Variants in ERBIN observed in about 807,000 individuals in gnomAD.
ERBIN encodes the protein erbb2 interacting protein, also known as densin-180-like protein.
In ERBIN, 60 loss-of-function variants were observed where a neutral mutation model predicts 158.4. The ratio of observed to expected loss-of-function variants is 0.38; its 90% CI spans 0.31 to 0.47. The LOEUF (loss-of-function observed/expected upper bound fraction) is 0.47, where lower values mean the gene tolerates loss of function less well. Ranked by LOEUF, ERBIN falls within the 20% of genes least tolerant of loss-of-function variation. The pLI, the probability that ERBIN is intolerant of heterozygous loss-of-function variation, is 0.99. For missense variants in ERBIN, 1,610 were observed against 1,648.0 expected (o/e 0.98, Z 0.40); for synonymous variants, 594 against 557.2 (o/e 1.07, Z -0.93).
At chr5:65,999,527 A>G (rs11955547) in intron 4 of ERBIN, among the ~76,000 whole-genome samples, 3,177 of 152,182 alleles carry the variant, frequency 0.021, 117 homozygotes, top group African/African-American at 0.071. Flanking sequence ...TAACATCACA[A>G]TTCCCCTGTT....
At chr5:65,930,751 C>G (rs906672018) in intron 1 of ERBIN, among the ~76,000 whole-genome samples, 1 of 152,116 alleles carries the variant, frequency 6.6e-6, no homozygotes, top group Admixed American at 6.5e-5. Flanking sequence ...TTTTATTATA[C>G]TTTTGGCCTC....
rs1263632316 is a variant in ERBIN, at chr5:65,931,412, G to C, written c.-58+4606G>C. On this transcript the variant is annotated intron_variant, in intron 1 of 25. Coordinates refer to ENST00000284037, the MANE Select transcript of ERBIN (RefSeq NM_001253697.2). ...GGGACAACTTACTTTGAGGCTAAGT[G>C]CCTTGTACATTTCATTTCCCTGTAG... Among the ~76,000 whole-genome samples, 3 of 152,130 alleles carry C rather than the reference G, an allele frequency of 2.0e-5. No individual in the cohort carries two copies. In the East Asian group the frequency reaches 5.8e-4, roughly 29 times the overall value.
At chr5:66,039,316 TC>T (rs769748103) in intron 15 of ERBIN, among the ~76,000 whole-genome samples, 4 of 151,890 alleles carry the variant, frequency 2.6e-5, no homozygotes, top group Admixed American at 6.6e-5. Context: ...TACAAAACAC[TC>T]TGGAACCAAG....
chr5:66,077,960 GA>G (rs1762169449), intron 25 of ERBIN, among the ~76,000 whole-genome samples: 1 of 152,118 alleles, frequency 6.6e-6, no homozygotes, highest in Admixed American at 6.5e-5. Context: ...AGCATTATGA[GA>G]ATCAAAGGAT....
chr5:65,934,987 C>G (rs2150851197), intron 1 of ERBIN, among the ~76,000 whole-genome samples: 1 of 151,954 alleles, frequency 6.6e-6, no homozygotes, highest in Admixed American at 6.5e-5. Flanking sequence ...TCTACTTTTC[C>G]TGGTTGTTTT....
intron 10 of ERBIN, 47 bp downstream of exon 10, chr5:66,024,497 G>T: frequency 6.5e-7 from 1 of 1,529,146 alleles, no homozygotes; most frequent in Non-Finnish European, 8.8e-7. Flanking sequence ...AAATAAATTC[G>T]AGACTTCCAC....
At chr5:66,027,046 C>T (rs946372375) in intron 13 of ERBIN, among the ~76,000 whole-genome samples, 9 of 151,842 alleles carry the variant, frequency 5.9e-5, no homozygotes, top group African/African-American at 1.7e-4. Context: ...CATACTTTTT[C>T]GTGAGGTAAA....
At chr5:66,026,150 A>C (rs184061880) in intron 12 of ERBIN, 152 bp from the exon 13 acceptor site, 1 of 677,666 alleles carries the variant, frequency 1.5e-6, no homozygotes, top group Admixed American at 3.7e-5. Context: ...ATGCTTTCTT[A>C]TGTACATAAA....
chr5:66,053,005 C>T (rs1759195329), intron 20 of ERBIN, among the ~76,000 whole-genome samples: 1 of 152,126 alleles, frequency 6.6e-6, no homozygotes, highest in African/African-American at 2.4e-5. Context: ...GCTCTTTACT[C>T]CACTATTCAT....
intron 21 of ERBIN, chr5:66,068,734 ATTTC>A (rs1761251452): frequency 3.1e-6 from 2 of 652,066 alleles, no homozygotes; most frequent in South Asian, 3.2e-5. Context: ...AATGGTTCCA[ATTTC>A]TTTCACTAAT....
chr5:66,021,380 G>C lies in ERBIN; in HGVS notation c.592G>C (p.Glu198Gln). The C allele has an allele frequency of 3.1e-6, 5 of 1,598,974 alleles. No homozygotes were observed. The highest frequency in any genetic ancestry group is 4.3e-6 in the Non-Finnish European group (5 of 1,169,262). ...RLDLGSNEFT[E>Q]VPEVLEQLSG... ...GGATTTGGGAAGTAACGAATTCACG[G>C]AAGTGGTAAGTTCTCATCAGTCTCA... Residue 198 changes from glutamate (E) to glutamine (Q), a missense_variant, in exon 8 of 26, where the codon GAA becomes CAA. By Grantham distance (29) the Glu-to-Gln change is conservative. This residue lies in a region of ERBIN where 596 missense variants were observed against 711.9 expected (regional missense o/e 0.84). Coordinates refer to ENST00000284037, the MANE Select transcript of ERBIN (RefSeq NM_001253697.2).
chr5:65,988,395 A>G (rs1751496295), intron 1 of ERBIN, among the ~76,000 whole-genome samples: 2 of 151,574 alleles, frequency 1.3e-5, no homozygotes, highest in African/African-American at 4.9e-5. Flanking sequence ...AAAGCTAGTC[A>G]TTTATTTAGA....
At chr5:65,926,944 AATT>A (rs1375092120) in intron 1 of ERBIN, 138 bp downstream of exon 1, 1 of 151,926 alleles carries the variant, frequency 6.6e-6, no homozygotes, top group Non-Finnish European at 1.5e-5. Flanking sequence ...AGCGGTTAAT[AATT>A]GAGGGGCTAA....
chr5:66,055,239 T>A, intron 21 of ERBIN: 1 of 426,300 alleles, frequency 2.3e-6, no homozygotes, highest in Non-Finnish European at 3.4e-6. Flanking sequence ...AAAATACACG[T>A]ACCTCTGTTC....
intron 3 of ERBIN, among the ~76,000 whole-genome samples, chr5:65,993,888 G>A (rs1258182530): frequency 6.6e-6 from 1 of 152,094 alleles, no homozygotes; most frequent in Admixed American, 6.5e-5. Context: ...CAAATTTAAT[G>A]GACATCTTAT....
chr5:66,071,764 T>C (rs1310574233), intron 21 of ERBIN, among the ~76,000 whole-genome samples: 1 of 151,208 alleles, frequency 6.6e-6, no homozygotes, highest in Non-Finnish European at 1.5e-5. Flanking sequence ...TTTATAGTGC[T>C]CAACATGAGT....
intron 1 of ERBIN, among the ~76,000 whole-genome samples, chr5:65,955,811 C>A (rs966499832): frequency 6.6e-6 from 1 of 152,162 alleles, no homozygotes; most frequent in Admixed American, 6.5e-5. Flanking sequence ...CAACTACAGT[C>A]CAAAAATATT....
At chr5:65,932,993 C>T (rs894741387) in intron 1 of ERBIN, among the ~76,000 whole-genome samples, 2 of 152,096 alleles carry the variant, frequency 1.3e-5, no homozygotes, top group Admixed American at 6.5e-5. Flanking sequence ...GGTTCTTGCT[C>T]TGTTGTTCAG....
chr5:65,983,850 C>T (rs1316310039), intron 1 of ERBIN, among the ~76,000 whole-genome samples: 1 of 152,150 alleles, frequency 6.6e-6, no homozygotes, highest in Non-Finnish European at 1.5e-5. Flanking sequence ...AGGGGAGGAC[C>T]TGGGTGACTG....
Sources: gnomAD v4.1 joint callset for allele counts (sites outside exome capture counted in the v4.1 genomes callset) on GRCh38, gnomAD v4.1.1 for gene constraint, gnomAD v4.1.1 regional missense constraint, MANE v1.5 for transcripts, NCBI Gene and HGNC (gene_info 2026-07-23, HGNC 2026-07-21) for gene names.